Variants in LEF1 observed in about 807,000 individuals in gnomAD.
LEF1 encodes the protein lymphoid enhancer-binding factor 1.
A neutral mutation model predicts 51.2 loss-of-function variants in LEF1; 14 were observed. The observed-to-expected ratio is 0.27, with a 90% CI of 0.18 to 0.43. The LOEUF is 0.43. LEF1 is among the 20% of genes least tolerant of loss of function. The pLI is 1.00. For synonymous variants in LEF1, 185 were observed against 183.2 expected (o/e 1.01, Z -0.08); for missense variants, 386 against 512.0 (o/e 0.75, Z 2.37).
intron 3 of LEF1, among the ~76,000 whole-genome samples, chr4:108,145,439 A>T (rs1175692613): frequency 6.6e-6 from 1 of 152,254 alleles, no homozygotes; most frequent in Non-Finnish European, 1.5e-5. Context: ...TATATAGTTC[A>T]GGTATATAAT....
intron 8 of LEF1, among the ~76,000 whole-genome samples, chr4:108,075,190 A>C (rs1359522547): frequency 6.6e-6 from 1 of 152,148 alleles, no homozygotes; most frequent in Non-Finnish European, 1.5e-5. Context: ...AAAAAGCTAT[A>C]ATCTATCACC....
chr4:108,105,810 T>C (rs566401625), intron 3 of LEF1, among the ~76,000 whole-genome samples: 34 of 152,310 alleles, frequency 2.2e-4, no homozygotes, highest in Non-Finnish European at 4.9e-4. Context: ...ACTCCTGGGC[T>C]TGAGATGAAA....
chr4:108,062,286 G>T (rs1170798929), intron 11 of LEF1, among the ~76,000 whole-genome samples: 1 of 152,206 alleles, frequency 6.6e-6, no homozygotes, highest in South Asian at 2.1e-4. Flanking sequence ...ACCTGGTTTA[G>T]TCAAAAGCCA....
Position 108,165,679 on chromosome 4 carries a change from A to C in LEF1, c.214-516T>G, listed in dbSNP as rs1366075421. ...CTGCCCTGAGCGCAGTTACAGCAGA[A>C]GCTCCACTCGAGCTTATAACCTACT... On this transcript the variant is annotated intron_variant, in intron 1 of 11. Transcript: ENST00000265165. 2.0e-5 allele frequency among the ~76,000 whole-genome samples: 3 copies of C among 152,338 alleles called. No individual in the cohort carries two copies. The East Asian group carries it at 5.8e-4, about 29-fold the overall frequency.
chr4:108,132,879 C>T (rs759881085), intron 3 of LEF1, among the ~76,000 whole-genome samples: 1 of 151,802 alleles, frequency 6.6e-6, no homozygotes, highest in Non-Finnish European at 1.5e-5. Context: ...CCATGTTGCC[C>T]AGGCTTGTCT....
chr4:108,150,489 T>C (rs112952170), intron 3 of LEF1, among the ~76,000 whole-genome samples: 2 of 152,296 alleles, frequency 1.3e-5, no homozygotes, highest in African/African-American at 4.8e-5. Context: ...TGGTTATGTG[T>C]TGAATGAACC....
At chr4:108,147,296 G>C (rs2110386302) in intron 3 of LEF1, among the ~76,000 whole-genome samples, 1 of 151,702 alleles carries the variant, frequency 6.6e-6, no homozygotes, top group African/African-American at 2.4e-5. Flanking sequence ...TTCTCAGGTA[G>C]CCAATATTTT....
intron 1 of LEF1, 87 bp from the exon 2 acceptor site, chr4:108,165,250 A>G (rs1745313058): frequency 7.9e-7 from 1 of 1,271,734 alleles, no homozygotes; most frequent in Non-Finnish European, 1.2e-6. Flanking sequence ...TGCGCTGGTA[A>G]TTCAAAGGAA....
intron 1 of LEF1, 118 bp from the exon 2 acceptor site, chr4:108,165,281 T>C: frequency 1.2e-6 from 1 of 864,262 alleles, no homozygotes. Flanking sequence ...GGCAACTCTG[T>C]TTTATACTCT....
intron 3 of LEF1, among the ~76,000 whole-genome samples, chr4:108,130,155 T>A (rs1352535314): frequency 6.6e-6 from 1 of 152,094 alleles, no homozygotes; most frequent in Non-Finnish European, 1.5e-5. Flanking sequence ...AATCACTCCC[T>A]TCATACAAGG....
intron 9 of LEF1, among the ~76,000 whole-genome samples, chr4:108,065,430 G>A (rs1347495078): frequency 6.6e-6 from 1 of 152,222 alleles, no homozygotes; most frequent in Non-Finnish European, 1.5e-5. Context: ...GTTGCAGTGA[G>A]CCAGGATTGC....
intron 3 of LEF1, among the ~76,000 whole-genome samples, chr4:108,101,297 T>C (rs1740808618): frequency 6.6e-6 from 1 of 152,206 alleles, no homozygotes; most frequent in African/African-American, 2.4e-5. Context: ...GCTTTCGACA[T>C]GAGGCAGTGT....
chr4:108,110,609 T>C (rs1741470560), intron 3 of LEF1, among the ~76,000 whole-genome samples: 1 of 152,296 alleles, frequency 6.6e-6, no homozygotes, highest in African/African-American at 2.4e-5. Flanking sequence ...AGCTGATCTG[T>C]GCCCCACCCC....
chr4:108,077,482 C>G (rs13142553), intron 8 of LEF1, among the ~76,000 whole-genome samples: 1 of 92,640 alleles, frequency 1.1e-5, no homozygotes, highest in Admixed American at 1.2e-4. Flanking sequence ...GCGCCTCTGC[C>G]CGGCTGCCGC....
chr4:108,063,002 A>G (rs926221138), intron 11 of LEF1, among the ~76,000 whole-genome samples: 27 of 152,210 alleles, frequency 1.8e-4, no homozygotes, highest in African/African-American at 6.0e-4. Flanking sequence ...AAGAAATAAA[A>G]TAAATATTAC....
chr4:108,167,509 C>T lies in LEF1; in HGVS notation c.213+46G>A. 6.3e-7 allele frequency: 1 copy of T among 1,598,068 alleles called. No homozygotes were observed. The highest frequency in any genetic ancestry group is 8.6e-7 in the Non-Finnish European group (1 of 1,168,718). ...TCCCTTCCTCCCTCTCTGAGTTTCC[C>T]AGGGACCCGCCACGCCTCTCGGAAC... On this transcript the variant is annotated intron_variant, in intron 1 of 11. Transcript: ENST00000265165. The surrounding 1 kb of genome is among the most constrained non-coding windows in gnomAD (Gnocchi z 5.7).
Position 108,167,517 on chromosome 4 carries a change from C to CG in LEF1, c.213+37dup. 1 of 1,604,646 alleles carries CG rather than the reference C, an allele frequency of 6.2e-7. No individual in the cohort carries two copies. The highest frequency in any genetic ancestry group is 8.5e-7 in the Non-Finnish European group (1 of 1,173,312). ...TCCCTCTCTGAGTTTCCCAGGGACC[C>CG]GCCACGCCTCTCGGAACTGGGGCAG... On this transcript the variant is annotated intron_variant, in intron 1 of 11. Transcript: ENST00000265165. The surrounding 1 kb of genome is among the most constrained non-coding windows in gnomAD (Gnocchi z 5.7).
chr4:108,130,212 A>T (rs937382847), intron 3 of LEF1, among the ~76,000 whole-genome samples: 3 of 152,240 alleles, frequency 2.0e-5, no homozygotes, highest in African/African-American at 7.2e-5. Flanking sequence ...AGAGGAGGAC[A>T]GATGATAACA....
chr4:108,063,632 G>A lies in LEF1; in HGVS notation c.1197C>T (p.Ile399=). Residue 399 remains isoleucine, a synonymous_variant, in exon 11 of 12, where the codon ATC becomes ATT. Coordinates refer to ENST00000265165, the MANE Select transcript of LEF1 (RefSeq NM_016269.5). Reference sequence around the variant, plus strand: ...AGAGAGTCGTTCTTACCATGTTTCAGATGTAGGCAGCTGTCATTCTTGGAC... The same window carrying A: ...AGAGAGTCGTTCTTACCATGTTTCAAATGTAGGCAGCTGTCATTCTTGGAC... ...GTGPRMTAAY[I] is the part of the protein sequence containing the mutation. 2 of 1,596,216 alleles carry A rather than the reference G, an allele frequency of 1.3e-6. No individual in the cohort carries two copies. The highest frequency in any genetic ancestry group is 1.7e-6 in the Non-Finnish European group (2 of 1,175,252).
Sources: gnomAD v4.1 joint callset for allele counts (sites outside exome capture counted in the v4.1 genomes callset) on GRCh38, gnomAD v4.1.1 for gene constraint, Gnocchi (gnomAD v3.1) non-coding constraint, MANE v1.5 for transcripts, NCBI Gene and HGNC (gene_info 2026-07-23, HGNC 2026-07-21) for gene names.